Variants in ADAMTS17 observed in about 807,000 individuals in gnomAD.
ADAMTS17 encodes A disintegrin and metalloproteinase with thrombospondin motifs 17.
In ADAMTS17, 113 loss-of-function variants were observed where a neutral mutation model predicts 141.5. The ratio of observed to expected loss-of-function variants is 0.80; its 90% CI spans 0.69 to 0.93. The LOEUF (loss-of-function observed/expected upper bound fraction) is 0.93. ADAMTS17 is among the 40% of genes least tolerant of loss of function. The pLI, the probability that ADAMTS17 is intolerant of heterozygous loss-of-function variation, is 0.00. For synonymous variants in ADAMTS17, 768 were observed against 630.6 expected, an observed-to-expected ratio of 1.22 and a Z score of -3.27; for missense variants, 1,659 against 1,517.9, an observed-to-expected ratio of 1.09 and a Z score of -1.54.
At chr15:100,162,094 T>C (rs938647706) in intron 8 of ADAMTS17, among the ~76,000 whole-genome samples, 3 of 152,106 alleles carry the variant, frequency 2.0e-5, no homozygotes, top group Admixed American at 6.5e-5. Context: ...AGTGTTGGTG[T>C]TCAGTGTATT....
chr15:100,303,815 G>C (rs1026986155), intron 3 of ADAMTS17, among the ~76,000 whole-genome samples: 3 of 152,118 alleles, frequency 2.0e-5, no homozygotes, highest in Non-Finnish European at 4.4e-5. Context: ...TGCCTCCTGG[G>C]AGGTTCAAGC....
At chr15:100,116,813 G>C (rs758438698) in intron 13 of ADAMTS17, 34 bp downstream of exon 13, 61 of 1,613,648 alleles carry the variant, frequency 3.8e-5, no homozygotes, top group Non-Finnish European at 5.2e-5. Flanking sequence ...GAGGACAGGA[G>C]GCTGCCATGC....
At chr15:100,004,470 G>C (rs2060996393) in intron 18 of ADAMTS17, among the ~76,000 whole-genome samples, 1 of 152,134 alleles carries the variant, frequency 6.6e-6, no homozygotes, top group African/African-American at 2.4e-5. Flanking sequence ...TTTGGGAAAG[G>C]AACTGTAGTT....
chr15:100,287,747 T>A (rs1049223496), intron 3 of ADAMTS17, among the ~76,000 whole-genome samples: 1 of 152,204 alleles, frequency 6.6e-6, no homozygotes, highest in South Asian at 2.1e-4. Flanking sequence ...AAGAACTTGA[T>A]ATCCAGCCAA....
chr15:100,230,068 G>A (rs1443410583), intron 7 of ADAMTS17, among the ~76,000 whole-genome samples: 1 of 152,172 alleles, frequency 6.6e-6, no homozygotes, highest in Non-Finnish European at 1.5e-5. Flanking sequence ...AAGTTTCCTG[G>A]CCAAGCTGCA....
intron 7 of ADAMTS17, among the ~76,000 whole-genome samples, chr15:100,202,291 T>G (rs2041365325): frequency 6.6e-6 from 1 of 152,250 alleles, no homozygotes; most frequent in African/African-American, 2.4e-5. Context: ...ATTTTAATTT[T>G]TCCAAGGTGC....
intron 4 of ADAMTS17, among the ~76,000 whole-genome samples, chr15:100,269,167 T>C (rs2043819043): frequency 6.6e-6 from 1 of 152,168 alleles, no homozygotes; most frequent in African/African-American, 2.4e-5. Flanking sequence ...CCTCAAACTA[T>C]AAAAACCTTA....
At chr15:100,227,616 C>T (rs1204054222) in intron 7 of ADAMTS17, among the ~76,000 whole-genome samples, 1 of 152,204 alleles carries the variant, frequency 6.6e-6, no homozygotes, top group African/African-American at 2.4e-5. Flanking sequence ...TGGCCTTTCC[C>T]TCATGGTCCC....
At chr15:100,065,092 T>C (rs1180210638) in intron 15 of ADAMTS17, among the ~76,000 whole-genome samples, 1 of 152,178 alleles carries the variant, frequency 6.6e-6, no homozygotes, top group Non-Finnish European at 1.5e-5. Flanking sequence ...GATTTATTTT[T>C]ATAATAAAAA....
At chr15:100,185,480 A>C (rs1042898439) in intron 8 of ADAMTS17, among the ~76,000 whole-genome samples, 3 of 152,204 alleles carry the variant, frequency 2.0e-5, no homozygotes, top group Admixed American at 6.5e-5. Flanking sequence ...GAGATCAGAG[A>C]TCAATTCAAA....
intron 12 of ADAMTS17, chr15:100,128,825 C>G (rs1223158145): frequency 6.6e-6 from 1 of 152,210 alleles, no homozygotes; most frequent in Non-Finnish European, 1.5e-5. Flanking sequence ...CCTGTGGTAT[C>G]CCAGAGCAAC....
intron 12 of ADAMTS17, chr15:100,128,331 C>A (rs1187192592): frequency 6.6e-6 from 1 of 152,258 alleles, no homozygotes; most frequent in Non-Finnish European, 1.5e-5. Context: ...GTTGGAAAGG[C>A]TTCATCAGGA....
At chr15:100,021,943 T>G (rs2061413810) in intron 18 of ADAMTS17, among the ~76,000 whole-genome samples, 1 of 152,144 alleles carries the variant, frequency 6.6e-6, no homozygotes, top group Non-Finnish European at 1.5e-5. Context: ...CTTCCACTGC[T>G]GGCTCATCTG....
rs762293342 is a variant in ADAMTS17 at position 100,048,868 on chromosome 15, G to A, written c.2580C>T (p.Pro860=). 1 of 1,614,190 alleles carries A rather than the reference G, an allele frequency of 6.2e-7. No individual in the cohort carries two copies. The highest frequency in any genetic ancestry group is 8.5e-7 in the Non-Finnish European group (1 of 1,180,040). ...EPQVRRCNLH[P]CQSRWVAGPW... is the part of the protein sequence containing the mutation. ...ACCCAGCTTCTTACCGTGACTGGCA[G>A]GGGTGCAAGTTGCACCTTCGGACCT... The change falls in exon 18 of 22, where the codon CCC becomes CCT. Residue 860 remains proline (P), a synonymous_variant. Transcript: ENST00000268070.
Position 100,205,385 on chromosome 15 carries a change from GA to G in ADAMTS17, c.1076-5963del, listed in dbSNP as rs1596271468. Among the ~76,000 whole-genome samples, 3 of 152,222 alleles carry G rather than the reference GA, an allele frequency of 2.0e-5. No individual in the cohort carries two copies. In the East Asian group the frequency reaches 5.8e-4, roughly 29 times the overall value. ...CCAAAACATGCCGGGAGAGGGGAAG[GA>G]AAGAGAAACGAATAAGTGGTGATGT... On this transcript the variant is annotated intron_variant, in intron 7 of 21. Coordinates refer to ENST00000268070, the MANE Select transcript of ADAMTS17 (RefSeq NM_139057.4).
chr15:100,341,311 G>T lies in ADAMTS17; in HGVS notation c.178C>A (p.Arg60=), dbSNP rs1273223053. ...LPPLPAAPGP[R]RRRRPRTPPA... ...GGCGTGCGGGGGCGTCGCCGCCGTC[G>T]GGGCCCGGGGGCTGCGGGCAGCGGC... Residue 60 remains arginine (R), a synonymous_variant, in exon 2 of 22, where the codon CGA becomes AGA. Coordinates refer to ENST00000268070, the MANE Select transcript of ADAMTS17 (RefSeq NM_139057.4). 2.9e-6 allele frequency: 3 copies of T among 1,050,690 alleles called. No homozygotes were observed. In the African/African-American group the frequency reaches 5.1e-5, roughly 18 times the overall value. The allele number at this position is 1,050,690 out of a possible 1,614,324, so 65.1% of individuals were successfully genotyped here. A position where few individuals can be genotyped will look rare whatever the true frequency, so the allele number is the denominator to read the frequency against.
chr15:100,280,854 T>A (rs1020856476), intron 4 of ADAMTS17, among the ~76,000 whole-genome samples: 10 of 152,158 alleles, frequency 6.6e-5, no homozygotes, highest in African/African-American at 2.4e-4. Context: ...CTTTTTCCCA[T>A]AGAGGTTGGA....
At chr15:100,177,076 T>C (rs2040364910) in intron 8 of ADAMTS17, among the ~76,000 whole-genome samples, 1 of 152,224 alleles carries the variant, frequency 6.6e-6, no homozygotes, top group Non-Finnish European at 1.5e-5. Flanking sequence ...GTTATGAATA[T>C]TCATGTGCAA....
intron 7 of ADAMTS17, among the ~76,000 whole-genome samples, chr15:100,232,993 G>A (rs2042535457): frequency 6.6e-6 from 1 of 152,172 alleles, no homozygotes; most frequent in Non-Finnish European, 1.5e-5. Context: ...GGTTGAATCT[G>A]AGGTTCCTCT....
Sources: gnomAD v4.1 joint callset for allele counts (sites outside exome capture counted in the v4.1 genomes callset) on GRCh38, gnomAD v4.1.1 for gene constraint, MANE v1.5 for transcripts, NCBI Gene and HGNC (gene_info 2026-07-23, HGNC 2026-07-21) for gene names.